MRPL18: variants seen among roughly 807,000 people sequenced by gnomAD.
MRPL18 encodes the protein large ribosomal subunit protein uL18m.
A neutral mutation model predicts 20.9 loss-of-function variants in MRPL18; 16 were observed. The observed-to-expected ratio is 0.76, with a 90% CI of 0.52 to 1.16. MRPL18 has a LOEUF of 1.16. Ranked by LOEUF, MRPL18 falls within the 50% of genes most tolerant of loss-of-function variation. The pLI, the probability that MRPL18 is intolerant of heterozygous loss-of-function variation, is 0.00. For missense variants in MRPL18, 233 were observed against 230.6 expected, an observed-to-expected ratio of 1.01 and a Z score of -0.07; for synonymous variants, 91 against 87.1, an observed-to-expected ratio of 1.04 and a Z score of -0.25.
At chr6:159,791,957 A>G (rs1271268063) in intron 2 of MRPL18, among the ~76,000 whole-genome samples, 1 of 152,212 alleles carries the variant, frequency 6.6e-6, no homozygotes, top group East Asian at 1.9e-4. Flanking sequence ...TTGAAGAAAG[A>G]CCAGTTAGGA....
chr6:159,790,630 A>G lies in MRPL18; in HGVS notation c.43A>G (p.Arg15Gly), dbSNP rs1163230463. Residue 15 changes from arginine (R) to glycine (G), a missense_variant, in exon 1 of 4, where the codon AGG becomes GGG. Transcript: ENST00000367034. ...GTTTTGGGGGTTGTTCTCGGTTTGC[A>G]GGAACCCTGGTAATTAGTCTTGCCC... Reference protein sequence around the residue: ...SRFWGLFSVCRNPGCRFAALS... With the variant: ...SRFWGLFSVCGNPGCRFAALS... The G allele has an allele frequency of 6.2e-7, 1 of 1,613,962 alleles. No homozygotes were observed. Among genetic ancestry groups the G allele is most frequent in the African/African-American group, 1.3e-5 (1 of 74,906 alleles).
intron 2 of MRPL18, among the ~76,000 whole-genome samples, chr6:159,795,469 CCTTCAAGCAT>C (rs1410764927): frequency 2.0e-5 from 3 of 151,224 alleles, no homozygotes; most frequent in Admixed American, 2.0e-4. Context: ...GAGCATGCTG[CCTTCAAGCAT>C]CTGTTTAACA....
chr6:159,793,404 G>A lies in MRPL18; in HGVS notation c.239+2278G>A, dbSNP rs530778530. On this transcript the variant is annotated intron_variant, in intron 2 of 3. Transcript: ENST00000367034. The stretch of plus-strand genomic sequence containing the variant: ...AAAAAAATCAAAAGAATATTTTGTG[G>A]CTTGGGAAAATTAAATGAAAATCAA... Among the ~76,000 whole-genome samples, 11 of 152,138 alleles carry A rather than the reference G, an allele frequency of 7.2e-5. No individual in the cohort carries two copies. The South Asian group carries it at 2.1e-3, about 29-fold the overall frequency.
chr6:159,794,295 TCTGGA>T (rs772666877), intron 2 of MRPL18, among the ~76,000 whole-genome samples: 1 of 152,216 alleles, frequency 6.6e-6, no homozygotes, highest in Non-Finnish European at 1.5e-5. Context: ...GAGCATTGAC[TCTGGA>T]GCCAGACACT....
At chr6:159,792,498 G>A (rs950795397) in intron 2 of MRPL18, among the ~76,000 whole-genome samples, 1 of 152,144 alleles carries the variant, frequency 6.6e-6, no homozygotes, top group African/African-American at 2.4e-5. Flanking sequence ...AGTGGAATGG[G>A]GATAATGATG....
In MRPL18 at chr6:159,797,463, C is replaced by T. The variant is rs774164343; in HGVS notation, c.416C>T (p.Ala139Val). The T allele has an allele frequency of 8.7e-6, 14 of 1,614,014 alleles. No individual in the cohort carries two copies. Among genetic ancestry groups the T allele is most frequent in the African/African-American group, 1.3e-5 (1 of 74,894 alleles). Residue 139 changes from alanine to valine, a missense_variant, in exon 3 of 4, where the codon GCG (alanine) becomes GTG (valine). Transcript: ENST00000367034. ...GRVLAQRCLEAGINFMVYQPT... is the reference protein window; with the variant it reads ...GRVLAQRCLEVGINFMVYQPT... ...GTGCTGGCACAGAGATGCTTAGAGG[C>T]GGGAATCAACTTCATGGTCTACCAA...
At chr6:159,792,696 G>T (rs1222334251) in intron 2 of MRPL18, among the ~76,000 whole-genome samples, 1 of 152,158 alleles carries the variant, frequency 6.6e-6, no homozygotes, top group African/African-American at 2.4e-5. Flanking sequence ...GAATGCAGTG[G>T]TATGATATCT....
At chr6:159,793,692 G>A (rs1483540923) in intron 2 of MRPL18, among the ~76,000 whole-genome samples, 2 of 152,106 alleles carry the variant, frequency 1.3e-5, no homozygotes, top group African/African-American at 4.8e-5. Context: ...GGCGGATCAC[G>A]AGGTCAGGAG....
intron 2 of MRPL18, 100 bp downstream of exon 2, chr6:159,791,226 G>T: frequency 7.0e-7 from 1 of 1,424,226 alleles, no homozygotes; most frequent in South Asian, 1.3e-5. Context: ...CCATGCGGCG[G>T]GTAGAGGCAG....
rs773932812 is a variant in MRPL18, at chr6:159,791,039, G to A, written c.152G>A (p.Arg51Gln). ...NEAVAPEFTN[R>Q]NPRNLELLSV... ...GCTGTCGCCCCAGAATTCACCAACC[G>A]GAACCCCCGGAACCTGGAGCTTTTA... Residue 51 changes from arginine (R) to glutamine (Q), a missense_variant, in exon 2 of 4, where the codon CGG becomes CAG. Transcript: ENST00000367034. 8 of 1,614,006 alleles carry A rather than the reference G, an allele frequency of 5.0e-6. No individual in the cohort carries two copies.
chr6:159,793,433 T>G (rs1034597252), intron 2 of MRPL18, among the ~76,000 whole-genome samples: 6 of 152,164 alleles, frequency 3.9e-5, no homozygotes, highest in Non-Finnish European at 5.9e-5. Context: ...AAATCAAATT[T>G]CGTTGCCCAG....
In MRPL18 at chr6:159,798,264, T is replaced by G; in HGVS notation, c.*141T>G. ...AGTGGAATATTATTTGTAGTTAAGG[T>G]CATCCTCCTCCCCTTTCTGTTTTTT... On this transcript the variant is annotated 3_prime_UTR_variant, in exon 4 of 4. Transcript: ENST00000367034. The G allele has an allele frequency of 3.3e-6, 2 of 610,184 alleles. No individual in the cohort carries two copies. Among genetic ancestry groups the G allele is most frequent in the Non-Finnish European group, 5.5e-6 (2 of 361,262 alleles). 37.8% of individuals were successfully genotyped at this position (610,184 alleles called of 1,614,324 possible). A position where few individuals can be genotyped will look rare whatever the true frequency, so the allele number is the denominator to read the frequency against.
At chr6:159,792,485 G>GA (rs1453976000) in intron 2 of MRPL18, among the ~76,000 whole-genome samples, 13 of 152,168 alleles carry the variant, frequency 8.5e-5, no homozygotes, top group Non-Finnish European at 1.5e-4. Context: ...TTTCATAGTG[G>GA]AAAGTGGAAT....
rs578031784 is a variant in MRPL18 at position 159,798,253 on chromosome 6, T to C, written c.*130T>C. 28 of 689,918 alleles carry C rather than the reference T, an allele frequency of 4.1e-5. No individual in the cohort carries two copies. In the East Asian group the frequency reaches 8.2e-4, roughly 20 times the overall value. 42.7% of individuals were successfully genotyped at this position (689,918 alleles called of 1,614,324 possible). On this transcript the variant is annotated 3_prime_UTR_variant, in exon 4 of 4. Transcript: ENST00000367034. ...AATAATGTTGCAGTGGAATATTATT[T>C]GTAGTTAAGGTCATCCTCCTCCCCT...
chr6:159,797,327 G>A lies in MRPL18; in HGVS notation c.280G>A (p.Val94Met). The A allele has an allele frequency of 6.2e-7, 1 of 1,614,196 alleles. No homozygotes were observed. Among genetic ancestry groups the A allele is most frequent in the Non-Finnish European group, 8.5e-7 (1 of 1,180,040 alleles). Residue 94 changes from valine to methionine, a missense_variant, in exon 3 of 4, where the codon GTG (valine) becomes ATG (methionine). Coordinates refer to ENST00000367034, the MANE Select transcript of MRPL18 (RefSeq NM_014161.5). ...IRTQHHVEAL[V>M]EHQNGKVVVS... is the part of the protein sequence containing the mutation. ...GACTCAGCATCATGTAGAAGCACTT[G>A]TGGAGCATCAGAATGGCAAGGTTGT...
chr6:159,795,420 C>T (rs1781007045), intron 2 of MRPL18, among the ~76,000 whole-genome samples: 1 of 152,256 alleles, frequency 6.6e-6, no homozygotes, highest in Non-Finnish European at 1.5e-5. Flanking sequence ...GTTTGTGTCC[C>T]TGGGTACTTG....
intron 2 of MRPL18, among the ~76,000 whole-genome samples, chr6:159,796,128 C>CTTTTTT (rs371374052): frequency 8.6e-6 from 1 of 116,368 alleles, no homozygotes. Flanking sequence ...CTTCATTTTA[C>CTTTTTT]TTTTTTTTTT....
At chr6:159,795,270 C>T (rs925054358) in intron 2 of MRPL18, among the ~76,000 whole-genome samples, 1 of 152,206 alleles carries the variant, frequency 6.6e-6, no homozygotes, top group African/African-American at 2.4e-5. Flanking sequence ...CTCCTCAGCA[C>T]AGACCCTTTA....
chr6:159,798,007 C>T (rs773365005), intron 3 of MRPL18, 45 bp from the exon 4 acceptor site: 1 of 1,503,722 alleles, frequency 6.7e-7, no homozygotes, highest in Non-Finnish European at 9.2e-7. Context: ...CCTACTCGTG[C>T]TGCTGACTTA....
Sources: gnomAD v4.1 joint callset for allele counts (sites outside exome capture counted in the v4.1 genomes callset) on GRCh38, gnomAD v4.1.1 for gene constraint, MANE v1.5 for transcripts, NCBI Gene and HGNC (gene_info 2026-07-23, HGNC 2026-07-21) for gene names.